TSHZ2: variants seen among roughly 807,000 people sequenced by gnomAD.
TSHZ2 encodes teashirt zinc finger homeobox 2, also known as teashirt homolog 2.
Under a neutral mutation model 74.4 loss-of-function variants are expected in TSHZ2, and 21 were observed. That is an observed-to-expected ratio of 0.28 (90% CI 0.20 to 0.41). The LOEUF (loss-of-function observed/expected upper bound fraction) is 0.41. TSHZ2 is among the 10% of genes least tolerant of loss of function. The pLI, the probability that TSHZ2 is intolerant of heterozygous loss-of-function variation, is 1.00. For synonymous variants in TSHZ2, 540 were observed against 515.3 expected (o/e 1.05, Z -0.65); for missense variants, 1,244 against 1,293.5 (o/e 0.96, Z 0.59).
intron 2 of TSHZ2, among the ~76,000 whole-genome samples, chr20:53,305,294 C>G (rs1978483361): frequency 3.3e-5 from 5 of 152,164 alleles, no homozygotes; most frequent in Admixed American, 2.6e-4. Context: ...TTTTCTGCCC[C>G]CATCCATCTA....
chr20:53,345,226 G>C (rs953315557), intron 2 of TSHZ2, among the ~76,000 whole-genome samples: 3 of 152,146 alleles, frequency 2.0e-5, no homozygotes, highest in Admixed American at 6.6e-5. Context: ...GAGGCTGGTT[G>C]GCAAGTGTCC....
chr20:53,412,842 C>T (rs986512268), intron 2 of TSHZ2: 3 of 152,382 alleles, frequency 2.0e-5, no homozygotes, highest in African/African-American at 4.8e-5. Context: ...CTCCTGAAAC[C>T]CATGGGAGCA....
chr20:53,219,129 C>A (rs1297311550), intron 1 of TSHZ2, among the ~76,000 whole-genome samples: 1 of 152,150 alleles, frequency 6.6e-6, no homozygotes, highest in Non-Finnish European at 1.5e-5. Context: ...TCAGTATTTC[C>A]ATAGAAAGCC....
intron 2 of TSHZ2, among the ~76,000 whole-genome samples, chr20:53,362,725 T>C (rs1449650196): frequency 6.6e-6 from 1 of 152,244 alleles, no homozygotes; most frequent in African/African-American, 2.4e-5. Context: ...CTTTACCATA[T>C]GTTCTAGTAT....
intron 2 of TSHZ2, among the ~76,000 whole-genome samples, chr20:53,323,377 A>G (rs1979350275): frequency 1.3e-5 from 2 of 150,414 alleles, no homozygotes; most frequent in South Asian, 2.1e-4. Context: ...TACCGTGTGA[A>G]GTCTGTAGAA....
intron 2 of TSHZ2, among the ~76,000 whole-genome samples, chr20:53,262,488 C>T (rs371438080): frequency 4.6e-5 from 7 of 152,304 alleles, no homozygotes; most frequent in African/African-American, 1.7e-4. Context: ...CCTCGGTGAG[C>T]AGATTAAAGC....
At chr20:53,301,891 G>T (rs1315171595) in intron 2 of TSHZ2, among the ~76,000 whole-genome samples, 5 of 152,096 alleles carry the variant, frequency 3.3e-5, no homozygotes, top group Non-Finnish European at 4.4e-5. Flanking sequence ...AATACATCTC[G>T]CATTTAGCAC....
At chr20:53,310,732 C>T (rs1018631735) in intron 2 of TSHZ2, among the ~76,000 whole-genome samples, 21 of 152,168 alleles carry the variant, frequency 1.4e-4, no homozygotes, top group African/African-American at 4.8e-4. Context: ...ATGTGGGATT[C>T]CCCAACATGA....
chr20:53,173,797 T>C (rs759546930), intron 1 of TSHZ2, among the ~76,000 whole-genome samples: 26 of 152,236 alleles, frequency 1.7e-4, no homozygotes, highest in Admixed American at 4.6e-4. Context: ...TGGAAAGATA[T>C]GAGACCATAC....
intron 2 of TSHZ2, among the ~76,000 whole-genome samples, chr20:53,409,915 C>T (rs929351731): frequency 1.5e-5 from 2 of 132,380 alleles, no homozygotes; most frequent in Admixed American, 8.9e-5. Context: ...GGCGCTATCT[C>T]GGCTCACTGC....
intron 1 of TSHZ2, among the ~76,000 whole-genome samples, chr20:53,118,140 A>C (rs1986718524): frequency 6.6e-6 from 1 of 152,232 alleles, no homozygotes; most frequent in African/African-American, 2.4e-5. Context: ...ATATCCAGAT[A>C]AAGGAGCCAG....
chr20:53,349,651 C>CA (rs559107005), intron 2 of TSHZ2, among the ~76,000 whole-genome samples: 74,738 of 133,106 alleles, frequency 0.56, 20,075 homozygotes, highest in African/African-American at 0.62. Context: ...GACCCCACCT[C>CA]AAAAAAAAAA....
At chr20:53,264,712 T>C (rs1420822645) in intron 2 of TSHZ2, among the ~76,000 whole-genome samples, 1 of 152,246 alleles carries the variant, frequency 6.6e-6, no homozygotes, top group African/African-American at 2.4e-5. Flanking sequence ...GCCTTCAAGT[T>C]ATTGTTCCGT....
At chr20:53,297,283 C>T (rs1885849057) in intron 2 of TSHZ2, among the ~76,000 whole-genome samples, 3 of 130,248 alleles carry the variant, frequency 2.3e-5, no homozygotes, top group African/African-American at 8.8e-5. Context: ...CCAGTTCCGG[C>T]TTTGTTACTC....
intron 1 of TSHZ2, among the ~76,000 whole-genome samples, chr20:52,996,641 A>G (rs1982206343): frequency 6.6e-6 from 1 of 152,160 alleles, no homozygotes; most frequent in South Asian, 2.1e-4. Flanking sequence ...GGAAAAACTG[A>G]TCTAGCAACA....
chr20:53,170,106 G>GC lies in TSHZ2; in HGVS notation c.41-83391dup, dbSNP rs1988161582. On this transcript the variant is annotated intron_variant, in intron 1 of 2. Coordinates refer to ENST00000371497, the MANE Select transcript of TSHZ2 (RefSeq NM_173485.6). ...GCAGAGGAAAATCAACTCTAGCAGA[G>GC]CCACATAGCTAGTAATTACAGAGCC... 2.6e-5 allele frequency among the ~76,000 whole-genome samples: 4 copies of GC among 152,112 alleles called. No individual in the cohort carries two copies. In the South Asian group the frequency reaches 8.3e-4, roughly 32 times the overall value.
At chr20:53,014,473 G>T (rs923119715) in intron 1 of TSHZ2, among the ~76,000 whole-genome samples, 1 of 152,128 alleles carries the variant, frequency 6.6e-6, no homozygotes, top group Non-Finnish European at 1.5e-5. Context: ...TGGAGCATTA[G>T]TTATGAACCA....
chr20:53,017,060 T>C (rs1414601184), intron 1 of TSHZ2, among the ~76,000 whole-genome samples: 1 of 152,168 alleles, frequency 6.6e-6, no homozygotes, highest in Non-Finnish European at 1.5e-5. Context: ...CTTATACAAT[T>C]GAAGAACATT....
At chr20:53,133,969 G>GGAAAAAAAAAAAA (rs561152326) in intron 1 of TSHZ2, among the ~76,000 whole-genome samples, 1 of 127,908 alleles carries the variant, frequency 7.8e-6, no homozygotes, top group African/African-American at 3.0e-5. Flanking sequence ...CATTTTTTCT[G>GGAAAAAAAAAAAA]AAAAAAAAAA....
Sources: allele counts gnomAD v4.1 joint callset (sites outside exome capture counted in the v4.1 genomes callset), GRCh38; gene constraint gnomAD v4.1.1; transcripts MANE v1.5; gene names NCBI Gene and HGNC (gene_info 2026-07-23, HGNC 2026-07-21).